The following XPNPEP3 variants were observed in gnomAD, a reference collection of about 807,000 sequenced individuals.
XPNPEP3 encodes the protein X-prolyl aminopeptidase 3.
A neutral mutation model predicts 60.0 loss-of-function variants in XPNPEP3; 41 were observed. The ratio of observed to expected loss-of-function variants is 0.68; its 90% CI spans 0.53 to 0.89. XPNPEP3 has a LOEUF of 0.89. Ranked by LOEUF, XPNPEP3 falls within the 40% of genes least tolerant of loss-of-function variation. The pLI is 0.00. For synonymous variants in XPNPEP3, 212 were observed against 223.2 expected (o/e 0.95, Z 0.45); for missense variants, 598 against 638.9 (o/e 0.94, Z 0.69).
chr22:40,931,337 T>C lies in XPNPEP3; in HGVS notation c.*4902T>C, dbSNP rs550366125. 6.6e-6 allele frequency: 1 copy of C among 152,222 alleles called. No homozygotes were observed. The highest frequency in any genetic ancestry group is 1.5e-5 in the Non-Finnish European group (1 of 68,052). The allele number at this position is 152,222 out of a possible 1,614,324, so 9.4% of individuals were successfully genotyped here. A position where few individuals can be genotyped will look rare whatever the true frequency, so the allele number is the denominator to read the frequency against. ...CTGGATATCCAGTGTCACATACTTT[T>C]ATGTATTTATTTCAGGAATTACTAT... On this transcript the variant is annotated 3_prime_UTR_variant, in exon 10 of 10. Coordinates refer to ENST00000357137, the MANE Select transcript of XPNPEP3 (RefSeq NM_022098.4).
chr22:40,912,403 A>C (rs188735113), intron 6 of XPNPEP3, among the ~76,000 whole-genome samples: 103 of 152,224 alleles, frequency 6.8e-4, no homozygotes, highest in African/African-American at 2.5e-3. Context: ...AGACAGTTTC[A>C]TAAGTTATAT....
chr22:40,861,291 T>A, intron 1 of XPNPEP3: 7 of 1,614,186 alleles, frequency 4.3e-6, no homozygotes, highest in Non-Finnish European at 5.9e-6. Flanking sequence ...GCTGCATTCT[T>A]TTGCAAAGCC....
rs761504767 is a variant in XPNPEP3, at chr22:40,922,399, C to T, written c.1122C>T (p.Leu374=). Residue 374 remains leucine, a synonymous_variant, in exon 8 of 10, where the codon CTC becomes CTT. Coordinates refer to ENST00000357137, the MANE Select transcript of XPNPEP3 (RefSeq NM_022098.4). ...AGATCCAAAGAGATTGTTTGGCCCT[C>T]TGCTTCCCTGGGACAAGCTTGGAGA... ...VLEIQRDCLA[L]CFPGTSLENI... is the part of the protein sequence containing the mutation. 1.5e-5 allele frequency: 25 copies of T among 1,613,894 alleles called. 1 individual carries two copies. In the South Asian group the frequency reaches 2.6e-4, roughly 17 times the overall value.
At chr22:40,871,508 C>A (rs1313619874) in intron 2 of XPNPEP3, among the ~76,000 whole-genome samples, 2 of 152,136 alleles carry the variant, frequency 1.3e-5, no homozygotes, top group East Asian at 3.8e-4. Context: ...CATCTCAATG[C>A]CTTTCCTAAT....
chr22:40,867,936 C>CA (rs538562861), intron 1 of XPNPEP3, among the ~76,000 whole-genome samples: 1,372 of 73,050 alleles, frequency 0.019, 9 homozygotes, highest in African/African-American at 0.041. Flanking sequence ...AGACCTGTCT[C>CA]AAAAAAAAAA....
intron 4 of XPNPEP3, among the ~76,000 whole-genome samples, chr22:40,889,346 G>C (rs530812715): frequency 9.9e-5 from 15 of 152,278 alleles, no homozygotes; most frequent in African/African-American, 2.6e-4. Flanking sequence ...CTTTCAGTCA[G>C]TATGTTTCCT....
intron 2 of XPNPEP3, among the ~76,000 whole-genome samples, chr22:40,874,542 C>T (rs1341729306): frequency 1.3e-5 from 2 of 152,056 alleles, no homozygotes; most frequent in Non-Finnish European, 2.9e-5. Flanking sequence ...CTTCCTGTCT[C>T]AACCTCCTGA....
chr22:40,920,804 T>C (rs1488444061), intron 7 of XPNPEP3, among the ~76,000 whole-genome samples: 1 of 152,218 alleles, frequency 6.6e-6, no homozygotes, highest in Non-Finnish European at 1.5e-5. Context: ...TTTGTTTTGT[T>C]TTTTTGAGAC....
At chr22:40,879,267 C>T (rs1035422860) in intron 2 of XPNPEP3, among the ~76,000 whole-genome samples, 1 of 152,216 alleles carries the variant, frequency 6.6e-6, no homozygotes, top group Admixed American at 6.5e-5. Flanking sequence ...CCACTTATCA[C>T]TCTCTCTTAT....
chr22:40,861,167 G>A lies in XPNPEP3; in HGVS notation c.64+3922G>A, dbSNP rs1285193792. On this transcript the variant is annotated intron_variant, in intron 1 of 9. Transcript: ENST00000357137. Reference sequence around the variant, plus strand: ...CTGCTGAGAAAATAGGGGGATCTCTGTTGCTGGTAACCCAAGATATACCTC... The same window carrying A: ...CTGCTGAGAAAATAGGGGGATCTCTATTGCTGGTAACCCAAGATATACCTC... 4 of 1,613,934 alleles carry A rather than the reference G, an allele frequency of 2.5e-6. 1 individual carries two copies. The Admixed American group carries it at 5.0e-5, about 20-fold the overall frequency.
chr22:40,879,254 C>T (rs576141758), intron 2 of XPNPEP3, among the ~76,000 whole-genome samples: 11 of 152,274 alleles, frequency 7.2e-5, no homozygotes, highest in African/African-American at 2.6e-4. Context: ...GCCCGTAAGG[C>T]CTCCACTTAT....
At chr22:40,898,067 C>G (rs557026349) in intron 4 of XPNPEP3, among the ~76,000 whole-genome samples, 2 of 151,664 alleles carry the variant, frequency 1.3e-5, no homozygotes, top group South Asian at 4.2e-4. Context: ...CTTTAATGCT[C>G]AAAATGTTTT....
chr22:40,926,018 T>C (rs1273201500), intron 9 of XPNPEP3, among the ~76,000 whole-genome samples: 5 of 152,156 alleles, frequency 3.3e-5, no homozygotes, highest in Admixed American at 2.6e-4. Flanking sequence ...CGTAGTTGTA[T>C]TTAGCTTGTA....
intron 4 of XPNPEP3, among the ~76,000 whole-genome samples, chr22:40,897,529 G>A (rs1456952687): frequency 6.7e-6 from 1 of 149,996 alleles, no homozygotes; most frequent in Non-Finnish European, 1.5e-5. Context: ...TTGAGACAGA[G>A]TCTCCATTTG....
rs2058255353 is a variant in XPNPEP3, at chr22:40,931,722, A to AG, written c.*5288dup. On this transcript the variant is annotated 3_prime_UTR_variant, in exon 10 of 10. Transcript: ENST00000357137. ...AGACCCTGTCTCAATAAAAAAGAAG[A>AG]GAAAAACTGGAGTGAGAACTCTCCT... 1 of 152,150 alleles carries AG rather than the reference A, an allele frequency of 6.6e-6. No homozygotes were observed. The highest frequency in any genetic ancestry group is 1.5e-5 in the Non-Finnish European group (1 of 68,038). The allele number at this position is 152,150 out of a possible 1,614,324, so 9.4% of individuals were successfully genotyped here.
At chr22:40,861,023 A>G (rs752955560) in intron 1 of XPNPEP3, 69 of 1,526,094 alleles carry the variant, frequency 4.5e-5, no homozygotes, top group Non-Finnish European at 5.9e-5. Context: ...TAACCAAAAC[A>G]CACACAATTG....
chr22:40,902,224 C>T (rs577314272), intron 4 of XPNPEP3, among the ~76,000 whole-genome samples: 2 of 141,712 alleles, frequency 1.4e-5, no homozygotes, highest in African/African-American at 5.3e-5. Context: ...GTATTACAGG[C>T]GCCTGCCACC....
chr22:40,918,090 T>C (rs902915546), intron 7 of XPNPEP3, among the ~76,000 whole-genome samples: 3 of 151,558 alleles, frequency 2.0e-5, no homozygotes, highest in African/African-American at 2.4e-5. Context: ...TAAACTGATA[T>C]GGCTAGCATG....
At chr22:40,925,171 G>T (rs1024785478) in intron 9 of XPNPEP3, among the ~76,000 whole-genome samples, 4 of 152,130 alleles carry the variant, frequency 2.6e-5, no homozygotes, top group Admixed American at 2.6e-4. Flanking sequence ...GCTGCATTGA[G>T]CTACCCAGCA....
Sources: allele counts gnomAD v4.1 joint callset (sites outside exome capture counted in the v4.1 genomes callset), GRCh38; gene constraint gnomAD v4.1.1; transcripts MANE v1.5; gene names NCBI Gene and HGNC (gene_info 2026-07-23, HGNC 2026-07-21).